SF3B3: variants seen among roughly 807,000 people sequenced by gnomAD.
SF3B3 encodes the protein SAP 130.
SF3B3 carries 33 observed loss-of-function variants against 139.2 expected under a neutral mutation model. The observed-to-expected ratio is 0.24, with a 90% CI of 0.18 to 0.32. The LOEUF is 0.32. SF3B3 is among the 10% of genes least tolerant of loss of function. SF3B3 has a pLI of 1.00. For missense variants in SF3B3, 818 were observed against 1,509.4 expected (o/e 0.54, Z 7.59); for synonymous variants, 596 against 563.6 (o/e 1.06, Z -0.81).
At chr16:70,540,984 A>G (rs919628812) in intron 8 of SF3B3, among the ~76,000 whole-genome samples, 3 of 152,192 alleles carry the variant, frequency 2.0e-5, no homozygotes, top group Non-Finnish European at 4.4e-5. Flanking sequence ...TTACTGGGTC[A>G]TGGTAATTCT....
chr16:70,574,753 A>C lies in SF3B3; in HGVS notation c.*2940A>C, dbSNP rs1033969477. On this transcript the variant is annotated 3_prime_UTR_variant, in exon 26 of 26. Coordinates refer to ENST00000302516, the MANE Select transcript of SF3B3 (RefSeq NM_012426.5). The stretch of plus-strand genomic sequence containing the variant: ...AGTGGTCCACCTAGCTCAGCCTACC[A>C]AAGTGCTGTGATTACAGGCGTGAGC... 3 of 152,216 alleles carry C rather than the reference A, an allele frequency of 2.0e-5. No homozygotes were observed. Among genetic ancestry groups the C allele is most frequent in the Admixed American group, 6.5e-5 (1 of 15,280 alleles). The allele number at this position is 152,216 out of a possible 1,614,324, so 9.4% of individuals were successfully genotyped here.
At chr16:70,550,865 C>T (rs1444346206) in intron 11 of SF3B3, among the ~76,000 whole-genome samples, 1 of 152,156 alleles carries the variant, frequency 6.6e-6, no homozygotes, top group Non-Finnish European at 1.5e-5. Context: ...CAGGAGTCTG[C>T]CTCTCTACTT....
rs1345320013 is a variant in SF3B3 at position 70,563,869 on chromosome 16, G to A, written c.2289-7G>A. 2 of 1,610,978 alleles carry A rather than the reference G, an allele frequency of 1.2e-6. No homozygotes were observed. The highest frequency in any genetic ancestry group is 1.7e-6 in the Non-Finnish European group (2 of 1,179,082). ...TATTAAATAACTGCCTTGCTTTTTT[G>A]TCATAGGATTTTGGCATTAGAGAAG... is the stretch of plus-strand genomic sequence containing the variant. On this transcript the variant is annotated splice_polypyrimidine_tract_variant and splice_region_variant and intron_variant, in intron 17 of 25. Coordinates refer to ENST00000302516, the MANE Select transcript of SF3B3 (RefSeq NM_012426.5).
intron 9 of SF3B3, among the ~76,000 whole-genome samples, chr16:70,542,785 G>T (rs746119780): frequency 2.7e-5 from 4 of 149,138 alleles, no homozygotes; most frequent in Non-Finnish European, 5.9e-5. Flanking sequence ...GCAGTGGCGT[G>T]ATCTCGGCTC....
Position 70,532,586 on chromosome 16 carries a change from A to G in SF3B3, c.678A>G (p.Glu226=). The G allele has an allele frequency of 6.2e-7, 1 of 1,614,184 alleles. No individual in the cohort carries two copies. Among genetic ancestry groups the G allele is most frequent in the Middle Eastern group, 1.6e-4 (1 of 6,062 alleles). Residue 226 remains glutamate (E), a synonymous_variant, in exon 5 of 26, where the codon GAA becomes GAG. Coordinates refer to ENST00000302516, the MANE Select transcript of SF3B3 (RefSeq NM_012426.5). Reference sequence around the variant, plus strand: ...ATCATGTGGTCCGAAAATACAGTGAACCTTTGGAGGAACACGGCAACTTCC... The same window carrying G: ...ATCATGTGGTCCGAAAATACAGTGAGCCTTTGGAGGAACACGGCAACTTCC... ...GLNHVVRKYS[E]PLEEHGNFLI...
rs1289845059 is a variant in SF3B3 at position 70,573,907 on chromosome 16, C to T, written c.*2094C>T. The T allele has an allele frequency of 6.6e-6, 1 of 152,194 alleles. No individual in the cohort carries two copies. The highest frequency in any genetic ancestry group is 1.5e-5 in the Non-Finnish European group (1 of 68,028). The allele number at this position is 152,194 out of a possible 1,614,324, so 9.4% of individuals were successfully genotyped here. A position where few individuals can be genotyped will look rare whatever the true frequency, so the allele number is the denominator to read the frequency against. On this transcript the variant is annotated 3_prime_UTR_variant, in exon 26 of 26. Coordinates refer to ENST00000302516, the MANE Select transcript of SF3B3 (RefSeq NM_012426.5). ...CTGGCAGAGGTTCTGCAGATGTTTC[C>T]TTTGGAAGATCTCTTGCCAAGAATA...
At chr16:70,532,105 C>A (rs1311018636) in intron 4 of SF3B3, among the ~76,000 whole-genome samples, 2 of 152,116 alleles carry the variant, frequency 1.3e-5, no homozygotes, top group African/African-American at 4.8e-5. Flanking sequence ...CCAGCCTGAC[C>A]AACATGGAGA....
At chr16:70,556,488 G>T (rs2050380748) in intron 14 of SF3B3, 154 bp downstream of exon 14, 2 of 775,954 alleles carry the variant, frequency 2.6e-6, no homozygotes, top group Non-Finnish European at 2.1e-6. Context: ...TGTCATTGCA[G>T]TGTGTTTCAG....
At chr16:70,525,488 G>A (rs1425996485) in intron 1 of SF3B3, among the ~76,000 whole-genome samples, 1 of 151,612 alleles carries the variant, frequency 6.6e-6, no homozygotes, top group Non-Finnish European at 1.5e-5. Context: ...AAGGAAAGGG[G>A]AAAGTAGACT....
chr16:70,527,538 T>G (rs1214083275), intron 2 of SF3B3, among the ~76,000 whole-genome samples: 1 of 152,184 alleles, frequency 6.6e-6, no homozygotes, highest in Admixed American at 6.5e-5. Flanking sequence ...TCATATTTCA[T>G]GTTGTTATTT....
rs2050541452 is a variant in SF3B3 at position 70,572,751 on chromosome 16, G to A, written c.*938G>A. The A allele has an allele frequency of 6.6e-6, 1 of 152,126 alleles. No homozygotes were observed. The highest frequency in any genetic ancestry group is 2.1e-4 in the South Asian group (1 of 4,818). 9.4% of individuals were successfully genotyped at this position (152,126 alleles called of 1,614,324 possible). Reference sequence around the variant, plus strand: ...CCCCTGAGAACTGTGTATATGTGGGGCCTGTCTGCAGCACCCATCTCAGGT... The same window carrying A: ...CCCCTGAGAACTGTGTATATGTGGGACCTGTCTGCAGCACCCATCTCAGGT... On this transcript the variant is annotated 3_prime_UTR_variant, in exon 26 of 26. Transcript: ENST00000302516.
chr16:70,547,220 A>G (rs988682084), intron 10 of SF3B3, among the ~76,000 whole-genome samples: 4 of 152,288 alleles, frequency 2.6e-5, no homozygotes, highest in East Asian at 1.9e-4. Flanking sequence ...TCTTCCTTCT[A>G]ATTATACCAG....
intron 23 of SF3B3, 107 bp from the exon 24 acceptor site, chr16:70,569,899 G>T: frequency 1.6e-6 from 2 of 1,252,104 alleles, no homozygotes; most frequent in African/African-American, 1.5e-5. Flanking sequence ...ATAATTTTTG[G>T]ATGTTAATAG....
chr16:70,526,714 G>C lies in SF3B3; in HGVS notation c.58G>C (p.Gly20Arg). 6.2e-7 allele frequency: 1 copy of C among 1,613,058 alleles called. No individual in the cohort carries two copies. The highest frequency in any genetic ancestry group is 8.5e-7 in the Non-Finnish European group (1 of 1,179,172). Residue 20 changes from glycine to arginine, a missense_variant, in exon 2 of 26, where the codon GGA (glycine) becomes CGA (arginine). By Grantham distance (125) the Gly-to-Arg change is moderately radical. Transcript: ENST00000302516. Reference sequence around the variant, plus strand: ...CACTGGCATCAGCTTTGCCATTCATGGAAACTTTTCTGGTAAGTTCTCTCG... The same window carrying C: ...CACTGGCATCAGCTTTGCCATTCATCGAAACTTTTCTGGTAAGTTCTCTCG... ...RATGISFAIHGNFSGTKQQEI... is the reference protein window; with the variant it reads ...RATGISFAIHRNFSGTKQQEI...
In SF3B3 at chr16:70,555,323, C is replaced by T. The variant is rs187685479; in HGVS notation, c.1710+117C>T. On this transcript the variant is annotated intron_variant, in intron 13 of 25. Transcript: ENST00000302516. ...TGAAATCCTGTCTCTACTAAAAATA[C>T]AAAAATTAGCTGGGCGTGTTGGCAT... 30 of 963,470 alleles carry T rather than the reference C, an allele frequency of 3.1e-5. No individual in the cohort carries two copies. In the East Asian group the frequency reaches 7.6e-4, roughly 24 times the overall value. 59.7% of individuals were successfully genotyped at this position (963,470 alleles called of 1,614,324 possible).
rs367981733 is a variant in SF3B3 at position 70,571,241 on chromosome 16, A to G, written c.3513+42A>G. On this transcript the variant is annotated intron_variant, in intron 25 of 25. Coordinates refer to ENST00000302516, the MANE Select transcript of SF3B3 (RefSeq NM_012426.5). Reference sequence around the variant, plus strand: ...TGAGCTGAAAAGGGAGATCTGAGAAAGGAGCAGCACAGGGAGTGGATTGAT... The same window carrying G: ...TGAGCTGAAAAGGGAGATCTGAGAAGGGAGCAGCACAGGGAGTGGATTGAT... The G allele has an allele frequency of 1.0e-3, 1,412 of 1,413,294 alleles. 4 individuals carry two copies. Among genetic ancestry groups the G allele is most frequent in the Non-Finnish European group, 1.1e-3 (1,054 of 997,048 alleles). The allele number at this position is 1,413,294 out of a possible 1,614,324, so 87.5% of individuals were successfully genotyped here.
At chr16:70,550,468 G>A (rs2050312537) in intron 11 of SF3B3, 1 of 154,954 alleles carries the variant, frequency 6.5e-6, no homozygotes, top group Non-Finnish European at 1.4e-5. Flanking sequence ...CTGTAATTTG[G>A]GAGTCACCTA....
At chr16:70,535,265 T>C (rs2050155843) in intron 5 of SF3B3, 43 bp from the exon 6 acceptor site, 3 of 992,578 alleles carry the variant, frequency 3.0e-6, no homozygotes, top group Non-Finnish European at 4.6e-6. Flanking sequence ...AAGAAATTCA[T>C]GTCTGAGTCA....
chr16:70,528,090 A>G (rs906539121), intron 2 of SF3B3, among the ~76,000 whole-genome samples: 3 of 150,432 alleles, frequency 2.0e-5, no homozygotes, highest in African/African-American at 7.3e-5. Context: ...CACATTTTTA[A>G]TACTAATTTT....
Sources: gnomAD v4.1 joint callset for allele counts (sites outside exome capture counted in the v4.1 genomes callset) on GRCh38, gnomAD v4.1.1 for gene constraint, MANE v1.5 for transcripts, NCBI Gene and HGNC (gene_info 2026-07-23, HGNC 2026-07-21) for gene names.